The following PTK2 variants were observed in gnomAD, a reference collection of about 807,000 sequenced individuals.
PTK2 encodes protein tyrosine kinase 2, also known as focal adhesion kinase 1.
In PTK2, 45 loss-of-function variants were observed where a neutral mutation model predicts 150.1. The ratio of observed to expected loss-of-function variants is 0.30; its 90% CI spans 0.24 to 0.38. The LOEUF (loss-of-function observed/expected upper bound fraction) is 0.38. Among genes scored for constraint, PTK2 ranks in the 10% least tolerant of loss-of-function variants. PTK2 has a pLI of 1.00. For missense variants in PTK2, 919 were observed against 1,307.3 expected (o/e 0.70, Z 4.58); for synonymous variants, 432 against 449.2 (o/e 0.96, Z 0.48).
chr8:140,735,132 C>T lies in PTK2; in HGVS notation c.2030+119G>A, dbSNP rs565195769. The stretch of plus-strand genomic sequence containing the variant: ...AATTTTAAAAGTAATTGCATTTGAA[C>T]GAAAAATAGTTCGGCCTTAGACATA... On this transcript the variant is annotated intron_variant, in intron 22 of 31. Transcript: ENST00000522684. 8.8e-5 allele frequency: 82 copies of T among 934,932 alleles called. 2 individuals carry two copies. In the South Asian group the frequency reaches 1.2e-3, roughly 13 times the overall value. 57.9% of individuals were successfully genotyped at this position (934,932 alleles called of 1,614,324 possible). A position where few individuals can be genotyped will look rare whatever the true frequency, so the allele number is the denominator to read the frequency against.
intron 2 of PTK2, among the ~76,000 whole-genome samples, chr8:140,918,181 C>T (rs368716040): frequency 6.6e-5 from 10 of 152,190 alleles, no homozygotes; most frequent in Admixed American, 1.3e-4. Context: ...AAGGTATAAA[C>T]GCCTGAGAGG....
At chr8:140,745,999 C>CAAAAA (rs367643506) in intron 18 of PTK2, among the ~76,000 whole-genome samples, 2 of 69,792 alleles carry the variant, frequency 2.9e-5, no homozygotes, top group South Asian at 4.3e-4. Context: ...GACTCTGTCT[C>CAAAAA]AAAAAAAAAA....
At chr8:140,985,639 A>G (rs2100193026) in intron 1 of PTK2, among the ~76,000 whole-genome samples, 1 of 152,084 alleles carries the variant, frequency 6.6e-6, no homozygotes, top group African/African-American at 2.4e-5. Flanking sequence ...TTCCCTCAAG[A>G]GTGGGTGCTG....
At chr8:140,882,613 T>C (rs184441160) in intron 3 of PTK2, among the ~76,000 whole-genome samples, 292 of 152,224 alleles carry the variant, frequency 1.9e-3, no homozygotes, top group Non-Finnish European at 2.5e-3. Context: ...CTTTTCAAGG[T>C]TAAAATAAAA....
intron 1 of PTK2, among the ~76,000 whole-genome samples, chr8:140,978,920 T>C (rs550327792): frequency 0.014 from 2,174 of 151,980 alleles, 48 homozygotes; most frequent in African/African-American, 0.048. Flanking sequence ...CATGGAATAC[T>C]ATGCAGCCAT....
At chr8:140,694,562 A>G (rs1289512426) in intron 26 of PTK2, among the ~76,000 whole-genome samples, 1 of 152,080 alleles carries the variant, frequency 6.6e-6, no homozygotes, top group Non-Finnish European at 1.5e-5. Context: ...CTAACAGGAG[A>G]GAAAGACTTC....
chr8:140,891,577 A>G (rs1022478016), intron 2 of PTK2, among the ~76,000 whole-genome samples: 1 of 152,168 alleles, frequency 6.6e-6, no homozygotes, highest in African/African-American at 2.4e-5. Flanking sequence ...GCCAATTCTG[A>G]GCCCTTCAGA....
chr8:140,884,746 T>C (rs2100151671), intron 3 of PTK2, among the ~76,000 whole-genome samples: 1 of 152,186 alleles, frequency 6.6e-6, no homozygotes. Flanking sequence ...CATTTTCCCA[T>C]TCCTATCAGA....
rs190118543 is a variant in PTK2 at position 140,759,314 on chromosome 8, G to A, written c.1332+1851C>T. ...AGCTGTGTTGGAAATCATTTTGGCA[G>A]TTCATCAAAAAGTTAAACATTCCAG... On this transcript the variant is annotated intron_variant, in intron 16 of 31. Transcript: ENST00000522684. 2.6e-4 allele frequency among the ~76,000 whole-genome samples: 40 copies of A among 152,064 alleles called. 1 individual carries two copies. The highest frequency in any genetic ancestry group is 9.4e-4 in the African/African-American group (39 of 41,484).
At chr8:140,947,330 C>T (rs1166402257) in intron 1 of PTK2, among the ~76,000 whole-genome samples, 1 of 152,156 alleles carries the variant, frequency 6.6e-6, no homozygotes, top group Non-Finnish European at 1.5e-5. Flanking sequence ...ATGCTACAAA[C>T]AATGTCTCAA....
intron 4 of PTK2, chr8:140,879,019 T>C (rs530947539): frequency 6.6e-6 from 1 of 152,288 alleles, no homozygotes; most frequent in Non-Finnish European, 1.5e-5. Context: ...TCACTCTTTG[T>C]AGGTGCGCTC....
chr8:140,660,489 G>A (rs985541039), intron 31 of PTK2: 10 of 408,624 alleles, frequency 2.4e-5, no homozygotes, highest in African/African-American at 8.1e-5. Context: ...TTTGGGCGGC[G>A]GAGGCAGGCT....
At chr8:140,695,046 T>G (rs2100025697) in intron 26 of PTK2, among the ~76,000 whole-genome samples, 1 of 152,254 alleles carries the variant, frequency 6.6e-6, no homozygotes, top group Non-Finnish European at 1.5e-5. Flanking sequence ...CTCTATGCCC[T>G]ATATCCAGCT....
intron 2 of PTK2, among the ~76,000 whole-genome samples, chr8:140,897,433 A>G (rs557481780): frequency 2.0e-5 from 3 of 152,110 alleles, no homozygotes; most frequent in African/African-American, 7.2e-5. Context: ...TCAAAATCTG[A>G]TCTGTGCTAT....
At chr8:140,818,243 ACGCCAAGTT>A (rs770955795) in intron 10 of PTK2, 25 bp downstream of exon 10, 13 of 1,551,362 alleles carry the variant, frequency 8.4e-6, no homozygotes, top group Non-Finnish European at 1.2e-5. Flanking sequence ...TCTTTGTGTA[ACGCCAAGTT>A]CCCGAAAGGT....
intron 1 of PTK2, among the ~76,000 whole-genome samples, chr8:140,964,208 C>T (rs1457022726): frequency 6.6e-6 from 1 of 152,066 alleles, no homozygotes; most frequent in East Asian, 1.9e-4. Flanking sequence ...AGGATTTAGC[C>T]CACTGAACTA....
rs753274977 is a variant in PTK2, at chr8:140,745,871, G to A, written c.1518+889C>T. Among the ~76,000 whole-genome samples the A allele has an allele frequency of 2.1e-4, 32 of 151,988 alleles. 1 individual carries two copies. Among genetic ancestry groups the A allele is most frequent in the Admixed American group, 1.8e-3 (27 of 15,246 alleles). Reference sequence around the variant, plus strand: ...GAAAATTAGCTGGGCCTGGCAGCACGTGCCTGTAGTCCCAGATACTCAGGA... The same window carrying A: ...GAAAATTAGCTGGGCCTGGCAGCACATGCCTGTAGTCCCAGATACTCAGGA... On this transcript the variant is annotated intron_variant, in intron 18 of 31. Transcript: ENST00000522684.
At chr8:140,792,705 A>G (rs541228509) in intron 13 of PTK2, among the ~76,000 whole-genome samples, 2 of 152,338 alleles carry the variant, frequency 1.3e-5, no homozygotes, top group East Asian at 3.9e-4. Flanking sequence ...GGGACAGAAC[A>G]AAGCCCAGGC....
At chr8:140,725,122 A>C (rs1245783144) in intron 22 of PTK2, among the ~76,000 whole-genome samples, 4 of 152,100 alleles carry the variant, frequency 2.6e-5, no homozygotes, top group African/African-American at 9.7e-5. Context: ...ATATCCACTA[A>C]GACTGTACCT....
Sources: allele counts gnomAD v4.1 joint callset (sites outside exome capture counted in the v4.1 genomes callset), GRCh38; gene constraint gnomAD v4.1.1; transcripts MANE v1.5; gene names NCBI Gene and HGNC (gene_info 2026-07-23, HGNC 2026-07-21).